The following EXPH5 variants were observed in gnomAD, a reference collection of about 807,000 sequenced individuals.
EXPH5 encodes the protein exophilin-5.
In EXPH5, 42 loss-of-function variants were observed where a neutral mutation model predicts 41.1. The observed-to-expected ratio is 1.02, with a 90% CI of 0.80 to 1.32. The LOEUF is 1.32. EXPH5 is among the 40% of genes most tolerant of loss of function. The pLI is 0.00. For missense variants in EXPH5, 2,298 were observed against 2,314.5 expected (o/e 0.99, Z 0.15); for synonymous variants, 798 against 833.5 (o/e 0.96, Z 0.73).
chr11:108,533,540 G>A (rs933653261), intron 3 of EXPH5, among the ~76,000 whole-genome samples: 1 of 151,782 alleles, frequency 6.6e-6, no homozygotes, highest in African/African-American at 2.4e-5. Flanking sequence ...CCCTTTTTTT[G>A]TTTTCCTTCT....
At chr11:108,577,596 T>C (rs535503626) in intron 1 of EXPH5, among the ~76,000 whole-genome samples, 5 of 152,202 alleles carry the variant, frequency 3.3e-5, no homozygotes, top group East Asian at 1.9e-4. Context: ...GCTAATTTTG[T>C]ATTTTTAGTA....
upstream of EXPH5, among the ~76,000 whole-genome samples, chr11:108,595,311 C>T (rs2094137234): frequency 6.6e-6 from 1 of 152,130 alleles, no homozygotes; most frequent in Admixed American, 6.5e-5. Flanking sequence ...TCCATGAGCA[C>T]ACAGAAAAGT....
At position 108,509,913 on chromosome 11, in the gene EXPH5, G is replaced by A; in HGVS notation, c.5594C>T (p.Ala1865Val). 6.2e-7 allele frequency: 1 copy of A among 1,609,896 alleles called. No individual in the cohort carries two copies. Among genetic ancestry groups the A allele is most frequent in the Non-Finnish European group, 8.5e-7 (1 of 1,178,422 alleles). ...ACCTGTTTTTGTCCCGCTGCGATAA[G>A]CCCAACTTTCATTTCCATCACAGGA... The part of the protein sequence containing the change: ...LPSCDGNESW[A>V]YRSGTKTGPR... The change falls in exon 6 of 6, where the codon GCT (alanine) becomes GTT (valine). Residue 1865 changes from alanine (A) to valine (V), a missense_variant. Transcript: ENST00000265843.
chr11:108,583,251 G>A (rs542515664), intron 1 of EXPH5, among the ~76,000 whole-genome samples: 3 of 151,592 alleles, frequency 2.0e-5, no homozygotes, highest in Non-Finnish European at 2.9e-5. Flanking sequence ...GCGTGGTGGC[G>A]GGCTCCTGTA....
At chr11:108,601,663 G>A in the EXPH5 span, among the ~76,000 whole-genome samples, 1 of 152,070 alleles carries the variant, frequency 6.6e-6, no homozygotes, top group African/African-American at 2.4e-5. Flanking sequence ...ATTTGAATAT[G>A]AAATGATGGA....
chr11:108,584,628 A>C (rs2094108257), intron 1 of EXPH5, among the ~76,000 whole-genome samples: 1 of 152,202 alleles, frequency 6.6e-6, no homozygotes, highest in Admixed American at 6.5e-5. Context: ...AAATATAGCA[A>C]ATTTTTTACA....
intron 1 of EXPH5, among the ~76,000 whole-genome samples, chr11:108,568,603 AAGTTGATGGAAG>A (rs2094045863): frequency 1.3e-5 from 2 of 152,322 alleles, no homozygotes; most frequent in Admixed American, 1.3e-4. Context: ...AAATATTTCA[AAGTTGATGGAAG>A]AGTTGATGTC....
At chr11:108,604,440 T>C in the EXPH5 span, among the ~76,000 whole-genome samples, 1 of 152,052 alleles carries the variant, frequency 6.6e-6, no homozygotes, top group African/African-American at 2.4e-5. Context: ...TTTTTGCCAA[T>C]TAAAGAAAAC....
intron 1 of EXPH5, among the ~76,000 whole-genome samples, chr11:108,591,367 T>C (rs1041807866): frequency 2.6e-5 from 4 of 152,144 alleles, no homozygotes; most frequent in Non-Finnish European, 5.9e-5. Flanking sequence ...TTAATACATG[T>C]GAGCCTGAAG....
chr11:108,516,089 ACC>A (rs2093724953), intron 5 of EXPH5, among the ~76,000 whole-genome samples: 1 of 150,236 alleles, frequency 6.7e-6, no homozygotes, highest in African/African-American at 2.5e-5. Context: ...AAAAAAAAAA[ACC>A]AGAAAAAAAA....
chr11:108,562,614 A>G (rs987079922), intron 1 of EXPH5, among the ~76,000 whole-genome samples: 1 of 152,102 alleles, frequency 6.6e-6, no homozygotes, highest in Non-Finnish European at 1.5e-5. Context: ...GTTTCAAAAA[A>G]AGAAAGAAAG....
At chr11:108,546,681 G>A (rs1223395447) in intron 1 of EXPH5, among the ~76,000 whole-genome samples, 1 of 152,086 alleles carries the variant, frequency 6.6e-6, no homozygotes, top group African/African-American at 2.4e-5. Context: ...TTAAGTATTT[G>A]CATAATATTC....
chr11:108,584,006 C>G (rs528226582), intron 1 of EXPH5, among the ~76,000 whole-genome samples: 1 of 152,206 alleles, frequency 6.6e-6, no homozygotes, highest in Admixed American at 6.5e-5. Flanking sequence ...TATCAAAAAT[C>G]AATTGTATTT....
chr11:108,513,820 T>A lies in EXPH5; in HGVS notation c.1687A>T (p.Met563Leu). Residue 563 changes from methionine to leucine, a missense_variant, in exon 6 of 6, where the codon ATG (methionine) becomes TTG (leucine). By Grantham distance (15) the Met-to-Leu change is conservative (BLOSUM62 2). Coordinates refer to ENST00000265843, the MANE Select transcript of EXPH5 (RefSeq NM_015065.3). ...FDFQRSTLDS[M>L]VVSHGNETQL... ...GTCTCATTACCATGTGATACCACCA[T>A]GCTATCCAGTGTGGATCTCTGAAAA... The A allele has an allele frequency of 6.2e-7, 1 of 1,605,764 alleles. No individual in the cohort carries two copies. Among genetic ancestry groups the A allele is most frequent in the Non-Finnish European group, 8.5e-7 (1 of 1,176,542 alleles).
chr11:108,590,167 C>T (rs2640736), intron 1 of EXPH5, among the ~76,000 whole-genome samples: 152,094 of 152,334 alleles, frequency 1, 75,927 homozygotes, highest in Middle Eastern at 1. Context: ...CAACTTACAA[C>T]GTCACTAACA....
intron 1 of EXPH5, among the ~76,000 whole-genome samples, chr11:108,556,026 CA>C (rs1457033535): frequency 6.6e-6 from 1 of 152,190 alleles, no homozygotes; most frequent in East Asian, 1.9e-4. Context: ...GGCCAAAGAA[CA>C]AAATTCCAAC....
At chr11:108,525,783 T>C (rs1021018130) in intron 4 of EXPH5, among the ~76,000 whole-genome samples, 2 of 150,160 alleles carry the variant, frequency 1.3e-5, no homozygotes, top group African/African-American at 4.9e-5. Context: ...GGGATAGAAC[T>C]TCCTTGAATA....
At position 108,505,672 on chromosome 11, in the gene EXPH5, T is replaced by G. The variant is rs2093640685; in HGVS notation, c.*3865A>C. 1.3e-5 allele frequency: 2 copies of G among 152,238 alleles called. No homozygotes were observed. Among genetic ancestry groups the G allele is most frequent in the Non-Finnish European group, 2.9e-5 (2 of 68,038 alleles). The allele number at this position is 152,238 out of a possible 1,614,324, so 9.4% of individuals were successfully genotyped here. ...CCTGGGAAGTAAAATATTTTACATA[T>G]TTACACTGTACATTTAAATGGGATA... On this transcript the variant is annotated 3_prime_UTR_variant, in exon 6 of 6. Transcript: ENST00000265843.
At chr11:108,517,658 A>G (rs1213777074) in intron 5 of EXPH5, among the ~76,000 whole-genome samples, 1 of 152,224 alleles carries the variant, frequency 6.6e-6, no homozygotes, top group Non-Finnish European at 1.5e-5. Flanking sequence ...GTCTAATGTC[A>G]ATTAGATTTT....
Sources: gnomAD v4.1 joint callset for allele counts (sites outside exome capture counted in the v4.1 genomes callset) on GRCh38, gnomAD v4.1.1 for gene constraint, MANE v1.5 for transcripts, NCBI Gene and HGNC (gene_info 2026-07-23, HGNC 2026-07-21) for gene names.